The following GABBR2 variants were observed in gnomAD, a reference collection of about 807,000 sequenced individuals.
GABBR2 encodes gamma-aminobutyric acid type B receptor subunit 2.
A neutral mutation model predicts 105.6 loss-of-function variants in GABBR2; 23 were observed. That is an observed-to-expected ratio of 0.22 (90% confidence interval 0.16 to 0.31). The LOEUF (loss-of-function observed/expected upper bound fraction) is 0.31. GABBR2 is among the 10% of genes least tolerant of loss of function. The probability of loss-of-function intolerance (pLI) is 1.00; values close to 1 mark genes in which losing one functional copy is unlikely to be tolerated. For missense variants in GABBR2, 734 were observed against 1,245.5 expected (o/e 0.59, Z 6.18); for synonymous variants, 478 against 499.7 (o/e 0.96, Z 0.58).
rs1193177897 is a variant in GABBR2 at position 98,553,430 on chromosome 9, C to CA, written c.460-11388dup. On this transcript the variant is annotated intron_variant, in intron 2 of 18. Coordinates refer to ENST00000259455, the MANE Select transcript of GABBR2 (RefSeq NM_005458.8). The stretch of plus-strand genomic sequence containing the variant: ...GCAACATGGCGAAACCCCATCTCTA[C>CA]AAAAAAATGCAAAAAATTAGGCATT... Among the ~76,000 whole-genome samples, 3 of 151,790 alleles carry CA rather than the reference C, an allele frequency of 2.0e-5. No homozygotes were observed. The East Asian group carries it at 5.9e-4, about 30-fold the overall frequency.
At chr9:98,500,678 C>T (rs878919090) in intron 3 of GABBR2, among the ~76,000 whole-genome samples, 13 of 152,180 alleles carry the variant, frequency 8.5e-5, no homozygotes, top group African/African-American at 2.4e-4. Context: ...AAATAATCTG[C>T]GATAAGAGGC....
chr9:98,450,947 G>C (rs4743229), intron 7 of GABBR2, among the ~76,000 whole-genome samples: 18 of 152,024 alleles, frequency 1.2e-4, no homozygotes, highest in Admixed American at 1.0e-3. Flanking sequence ...TTCTAGGATT[G>C]TGAAGGGTGG....
chr9:98,593,364 G>A (rs1453072418), intron 1 of GABBR2, among the ~76,000 whole-genome samples: 1 of 152,196 alleles, frequency 6.6e-6, no homozygotes, highest in Admixed American at 6.5e-5. Context: ...CTTGAAGGTC[G>A]TTATTCAAGT....
At chr9:98,467,469 G>A (rs933619107) in intron 6 of GABBR2, among the ~76,000 whole-genome samples, 1 of 152,174 alleles carries the variant, frequency 6.6e-6, no homozygotes, top group Non-Finnish European at 1.5e-5. Flanking sequence ...CTTTGTGGGG[G>A]GTAGGGGAGA....
At chr9:98,464,047 G>T (rs992503595) in intron 6 of GABBR2, among the ~76,000 whole-genome samples, 1 of 152,100 alleles carries the variant, frequency 6.6e-6, no homozygotes, top group Non-Finnish European at 1.5e-5. Flanking sequence ...GCCTCTGCCC[G>T]CCCGCCACCC....
chr9:98,490,466 CATTT>C (rs1312883553), intron 4 of GABBR2, among the ~76,000 whole-genome samples: 1 of 152,144 alleles, frequency 6.6e-6, no homozygotes, highest in East Asian at 1.9e-4. Context: ...TTTAGACATT[CATTT>C]GATTTCTGTG....
chr9:98,324,115 G>A (rs532423261), intron 13 of GABBR2, among the ~76,000 whole-genome samples: 6 of 152,304 alleles, frequency 3.9e-5, no homozygotes, highest in East Asian at 1.9e-4. Context: ...ACTGAACCTC[G>A]AGCATCTTGA....
chr9:98,598,406 C>T (rs1477969750), intron 1 of GABBR2, among the ~76,000 whole-genome samples: 1 of 152,140 alleles, frequency 6.6e-6, no homozygotes, highest in African/African-American at 2.4e-5. Flanking sequence ...CAAAACTACA[C>T]AGGGAGATCT....
chr9:98,682,274 C>A (rs765308572), intron 1 of GABBR2, among the ~76,000 whole-genome samples: 1 of 147,828 alleles, frequency 6.8e-6, no homozygotes, highest in Non-Finnish European at 1.5e-5. Flanking sequence ...AAACAAAAAA[C>A]CGTATATTGA....
chr9:98,602,719 G>A (rs1414834545), intron 1 of GABBR2, among the ~76,000 whole-genome samples: 6 of 152,202 alleles, frequency 3.9e-5, no homozygotes, highest in Non-Finnish European at 7.3e-5. Flanking sequence ...AGTGGGAGGG[G>A]AGAAAACTGG....
chr9:98,631,189 T>A (rs1829812158), intron 1 of GABBR2, among the ~76,000 whole-genome samples: 1 of 152,134 alleles, frequency 6.6e-6, no homozygotes, highest in Non-Finnish European at 1.5e-5. Context: ...AGAAAACACC[T>A]CATGAACTTC....
At chr9:98,665,348 C>A (rs1042408666) in intron 1 of GABBR2, among the ~76,000 whole-genome samples, 12 of 152,102 alleles carry the variant, frequency 7.9e-5, no homozygotes, top group African/African-American at 2.7e-4. Context: ...TTGCATCTTG[C>A]GCCTCCCAAC....
intron 1 of GABBR2, among the ~76,000 whole-genome samples, chr9:98,600,561 T>G (rs1231455221): frequency 7.2e-5 from 11 of 152,244 alleles, no homozygotes; most frequent in Non-Finnish European, 1.6e-4. Context: ...TGCATAAGCC[T>G]TCTGCATAGG....
chr9:98,461,398 A>C (rs1826421336), intron 6 of GABBR2, among the ~76,000 whole-genome samples: 1 of 152,180 alleles, frequency 6.6e-6, no homozygotes, highest in South Asian at 2.1e-4. Flanking sequence ...GGAAGTTCAG[A>C]AGCTTGTGTA....
chr9:98,465,121 T>TAAAA (rs57747633), intron 6 of GABBR2, among the ~76,000 whole-genome samples: 262 of 21,988 alleles, frequency 0.012, 6 homozygotes, highest in East Asian at 0.039. Flanking sequence ...CAATAAATAC[T>TAAAA]AAAAAAAAAA....
intron 13 of GABBR2, among the ~76,000 whole-genome samples, chr9:98,359,344 C>T (rs556758719): frequency 3.5e-4 from 53 of 152,280 alleles, no homozygotes; most frequent in Non-Finnish European, 7.1e-4. Context: ...ATGAGAATCA[C>T]TTGAACCCAG....
chr9:98,389,055 G>T (rs376738290), intron 9 of GABBR2, 51 bp from the exon 10 acceptor site: 1 of 1,529,218 alleles, frequency 6.5e-7, no homozygotes, highest in Admixed American at 1.8e-5. Context: ...GTCATTCCCC[G>T]AGAACACCTT....
intron 1 of GABBR2, among the ~76,000 whole-genome samples, chr9:98,609,318 T>C (rs1168966097): frequency 6.6e-6 from 1 of 152,146 alleles, no homozygotes; most frequent in Non-Finnish European, 1.5e-5. Flanking sequence ...ATCACAGTCA[T>C]CTTGCAGTTG....
intron 3 of GABBR2, among the ~76,000 whole-genome samples, chr9:98,539,283 G>C (rs1015116094): frequency 7.2e-5 from 11 of 152,164 alleles, no homozygotes; most frequent in African/African-American, 2.7e-4. Context: ...AATCTATAAG[G>C]CACACAACCA....
Sources: allele counts gnomAD v4.1 joint callset (sites outside exome capture counted in the v4.1 genomes callset), GRCh38; gene constraint gnomAD v4.1.1; transcripts MANE v1.5; gene names NCBI Gene and HGNC (gene_info 2026-07-23, HGNC 2026-07-21).